Variants in ZMYND8 observed in about 807,000 individuals in gnomAD.
The protein encoded by ZMYND8 is zinc finger MYND-type containing 8.
ZMYND8 carries 37 observed loss-of-function variants against 140.8 expected under a neutral mutation model. The observed-to-expected ratio is 0.26, with a 90% confidence interval of 0.20 to 0.35. The LOEUF is 0.35. ZMYND8 is among the 10% of genes least tolerant of loss of function. The pLI is 1.00. For missense variants in ZMYND8, 1,068 were observed against 1,570.0 expected (o/e 0.68, Z 5.40); for synonymous variants, 592 against 597.1 (o/e 0.99, Z 0.12).
intron 7 of ZMYND8, among the ~76,000 whole-genome samples, chr20:47,289,464 C>T (rs183029921): frequency 1.2e-4 from 19 of 152,092 alleles, no homozygotes; most frequent in Non-Finnish European, 2.2e-4. Context: ...AGGTATTTAC[C>T]CAAGAGAAAG....
At position 47,276,360 on chromosome 20, in the gene ZMYND8, G is replaced by A; in HGVS notation, c.1434C>T (p.His478=). The A allele has an allele frequency of 6.3e-7, 1 of 1,599,824 alleles. No individual in the cohort carries two copies. Among genetic ancestry groups the A allele is most frequent in the South Asian group, 1.1e-5 (1 of 90,192 alleles). The part of the protein sequence containing the change: ...QDAEKKATSS[H]FSASEESMDF... ...CCATGGACTCCTCGCTCGCACTGAA[G>A]TGGCTCGACGTGGCCTTCTTCTCAG... Residue 478 remains histidine (H), a synonymous_variant, in exon 11 of 23, where the codon CAC becomes CAT. Coordinates refer to ENST00000471951, the MANE Select transcript of ZMYND8 (RefSeq NM_001281775.3).
chr20:47,310,068 G>A lies in ZMYND8; in HGVS notation c.222C>T (p.Asn74=). 6.2e-7 allele frequency: 1 copy of A among 1,614,212 alleles called. No individual in the cohort carries two copies. Among genetic ancestry groups the A allele is most frequent in the African/African-American group, 1.3e-5 (1 of 75,064 alleles). The change falls in exon 3 of 23, where the codon AAC becomes AAT. Residue 74 remains asparagine (N), a synonymous_variant. Coordinates refer to ENST00000471951, the MANE Select transcript of ZMYND8 (RefSeq NM_001281775.3). ...KKKKPGLLNS[N]NKEQSELRHG... ...GCGGCTGCTTTACCTGCTCCTTATTGTTACTGTTCAGTAAGCCAGGTTTCT... is the reference window on the plus strand; with the variant it reads ...GCGGCTGCTTTACCTGCTCCTTATTATTACTGTTCAGTAAGCCAGGTTTCT...
chr20:47,217,740 G>A (rs2036331437), intron 21 of ZMYND8, among the ~76,000 whole-genome samples: 1 of 152,096 alleles, frequency 6.6e-6, no homozygotes, highest in Admixed American at 6.5e-5. Context: ...ACAGACATTG[G>A]GGAAAAACAT....
intron 18 of ZMYND8, among the ~76,000 whole-genome samples, chr20:47,226,937 C>T (rs551389354): frequency 7.2e-5 from 11 of 152,314 alleles, no homozygotes; most frequent in Middle Eastern, 3.4e-3. Flanking sequence ...GCTGGAATTA[C>T]AGGTGTGAGC....
In ZMYND8 at chr20:47,265,449, T is replaced by G. The variant is rs6018373; in HGVS notation, c.1481-3021A>C. Reference sequence around the variant, plus strand: ...GGTCAAGTTTGTTTGTTTGTTTGTTTGTTTGTTTTGAGACAAAGTCTTGCT... The same window carrying G: ...GGTCAAGTTTGTTTGTTTGTTTGTTGGTTTGTTTTGAGACAAAGTCTTGCT... On this transcript the variant is annotated intron_variant, in intron 11 of 22. Transcript: ENST00000471951. Among the ~76,000 whole-genome samples the G allele has an allele frequency of 5.2e-3, 792 of 152,220 alleles. 8 individuals are homozygous for G. The highest frequency in any genetic ancestry group is 0.017 in the African/African-American group (715 of 41,496).
At chr20:47,335,334 G>A (rs1414138311) in intron 2 of ZMYND8, among the ~76,000 whole-genome samples, 2 of 151,908 alleles carry the variant, frequency 1.3e-5, no homozygotes, top group African/African-American at 2.4e-5. Context: ...ATAAAGCGCT[G>A]GATCTCTAGG....
At chr20:47,282,074 A>G (rs1034974980) in intron 10 of ZMYND8, 28 bp downstream of exon 10, 1 of 1,582,286 alleles carries the variant, frequency 6.3e-7, no homozygotes, top group Middle Eastern at 1.7e-4. Context: ...TGAAAGCTAC[A>G]TGTTCCAAGC....
chr20:47,228,590 T>A (rs1464535286), intron 17 of ZMYND8, among the ~76,000 whole-genome samples: 1 of 152,228 alleles, frequency 6.6e-6, no homozygotes, highest in Non-Finnish European at 1.5e-5. Flanking sequence ...CAAAGCATAA[T>A]CATAAAGGTC....
At chr20:47,233,222 T>C (rs1484515333) in intron 16 of ZMYND8, among the ~76,000 whole-genome samples, 1 of 149,824 alleles carries the variant, frequency 6.7e-6, no homozygotes, top group African/African-American at 2.5e-5. Flanking sequence ...TTTTTTTTTT[T>C]TTTTGAGACA....
chr20:47,295,565 G>A (rs1194019784), intron 4 of ZMYND8, among the ~76,000 whole-genome samples: 3 of 152,188 alleles, frequency 2.0e-5, no homozygotes, highest in Non-Finnish European at 2.9e-5. Context: ...GAAAGGGACA[G>A]ACTTCCCTGC....
chr20:47,350,260 G>A (rs968396583), intron 1 of ZMYND8, among the ~76,000 whole-genome samples: 9 of 142,990 alleles, frequency 6.3e-5, no homozygotes, highest in Admixed American at 2.3e-4. Context: ...ACACATGCAC[G>A]CACACTCACA....
At chr20:47,255,681 G>A in intron 12 of ZMYND8, among the ~76,000 whole-genome samples, 1 of 117,412 alleles carries the variant, frequency 8.5e-6, no homozygotes. Context: ...TGGTGTATGT[G>A]TGTGTGTGTA....
At chr20:47,268,273 A>C (rs2075678009) in intron 11 of ZMYND8, among the ~76,000 whole-genome samples, 1 of 146,526 alleles carries the variant, frequency 6.8e-6, no homozygotes, top group Admixed American at 6.9e-5. Flanking sequence ...CCTGGCCAAC[A>C]TGGTGAAACC....
At chr20:47,265,028 C>A (rs1435329588) in intron 11 of ZMYND8, among the ~76,000 whole-genome samples, 1 of 115,736 alleles carries the variant, frequency 8.6e-6, no homozygotes, top group African/African-American at 2.9e-5. Flanking sequence ...CAGAGAGAGA[C>A]CCTGTCCCCA....
At chr20:47,297,035 T>C (rs771862754) in intron 4 of ZMYND8, among the ~76,000 whole-genome samples, 5 of 152,138 alleles carry the variant, frequency 3.3e-5, no homozygotes, top group Non-Finnish European at 7.4e-5. Flanking sequence ...CATTAAACAA[T>C]TGGGAAAAGT....
At chr20:47,269,652 A>C (rs1399526335) in intron 11 of ZMYND8, among the ~76,000 whole-genome samples, 2 of 152,218 alleles carry the variant, frequency 1.3e-5, no homozygotes, top group African/African-American at 4.8e-5. Context: ...GGTTGTTCTG[A>C]CTACAGTAGG....
chr20:47,232,288 C>A (rs1472909120), intron 16 of ZMYND8, among the ~76,000 whole-genome samples: 1 of 152,090 alleles, frequency 6.6e-6, no homozygotes, highest in Non-Finnish European at 1.5e-5. Context: ...GCGAGAGAAT[C>A]GCTTGAATCT....
chr20:47,327,411 T>C (rs2080524154), intron 2 of ZMYND8, among the ~76,000 whole-genome samples: 1 of 151,652 alleles, frequency 6.6e-6, no homozygotes, highest in African/African-American at 2.4e-5. Context: ...CCCAGCACTT[T>C]GGGAGGCCAA....
At chr20:47,348,179 A>C (rs535991982) in intron 1 of ZMYND8, 1 of 500,650 alleles carries the variant, frequency 2.0e-6, no homozygotes, top group Admixed American at 3.3e-5. Flanking sequence ...TGGGGAATGC[A>C]AAAGGCAATT....
Sources: allele counts gnomAD v4.1 joint callset (sites outside exome capture counted in the v4.1 genomes callset), GRCh38; gene constraint gnomAD v4.1.1; transcripts MANE v1.5; gene names NCBI Gene and HGNC (gene_info 2026-07-23, HGNC 2026-07-21).